MUCL1: variants seen among roughly 807,000 people sequenced by gnomAD.
MUCL1 encodes mucin like 1.
In MUCL1, 11 loss-of-function variants were observed where a neutral mutation model predicts 9.2. The ratio of observed to expected loss-of-function variants is 1.19; its 90% CI spans 0.75 to 1.97. The LOEUF (loss-of-function observed/expected upper bound fraction) is 1.97, where lower values mean the gene tolerates loss of function less well. Among genes scored for constraint, MUCL1 ranks in the 30% most tolerant of loss-of-function variants. The probability of loss-of-function intolerance (pLI) is 0.00; values close to 1 mark genes in which losing one functional copy is unlikely to be tolerated. For missense variants in MUCL1, 144 were observed against 110.9 expected (o/e 1.30, Z -1.34); for synonymous variants, 48 against 40.5 (o/e 1.19, Z -0.71).
intron 1 of MUCL1, among the ~76,000 whole-genome samples, chr12:54,842,187 T>A (rs539122162): frequency 1.3e-5 from 2 of 152,116 alleles, no homozygotes; most frequent in Non-Finnish European, 2.9e-5. Context: ...GGATAGTTCC[T>A]GCAGAGATGC....
intron 1 of MUCL1, among the ~76,000 whole-genome samples, chr12:54,840,398 C>T (rs916244355): frequency 3.3e-5 from 5 of 152,208 alleles, no homozygotes; most frequent in Admixed American, 6.5e-5. Context: ...AAGTTTCCTT[C>T]CAGAATGCTG....
intron 1 of MUCL1, among the ~76,000 whole-genome samples, chr12:54,846,263 G>C (rs1413102048): frequency 6.6e-6 from 1 of 152,140 alleles, no homozygotes; most frequent in Non-Finnish European, 1.5e-5. Context: ...AGGAGTCACA[G>C]ACACCCATCC....
At chr12:54,845,256 C>T (rs901172408) in intron 1 of MUCL1, among the ~76,000 whole-genome samples, 1 of 152,052 alleles carries the variant, frequency 6.6e-6, no homozygotes, top group Non-Finnish European at 1.5e-5. Context: ...AGCTCTCTGC[C>T]CAATGCATAT....
In MUCL1 at chr12:54,840,137, G is replaced by A. The variant is rs972502308; in HGVS notation, c.43+690G>A. Among the ~76,000 whole-genome samples the A allele has an allele frequency of 3.9e-5, 6 of 152,160 alleles. No individual in the cohort carries two copies. The South Asian group carries it at 1.2e-3, about 32-fold the overall frequency. On this transcript the variant is annotated intron_variant, in intron 1 of 3. Transcript: ENST00000546809. ...AGCCACACTCCAGGCTGGTGCTAAG[G>A]AATGTCTGCAAGGAATCCAGTGATG...
chr12:54,855,166 G>A lies in MUCL1; in HGVS notation c.100+9G>A. Reference sequence around the variant, plus strand: ...TGACACGTATCCAGCTAGTGAGTCTGCACTTGAATGTCATCTCTTTCCAGC... The same window carrying A: ...TGACACGTATCCAGCTAGTGAGTCTACACTTGAATGTCATCTCTTTCCAGC... On this transcript the variant is annotated intron_variant, in intron 2 of 3. Transcript: ENST00000308796. The A allele has an allele frequency of 2.5e-6, 4 of 1,612,378 alleles. No individual in the cohort carries two copies. The South Asian group carries it at 4.4e-5, about 18-fold the overall frequency.
At chr12:54,833,735 A>G (rs1227061020) in intron 1 of MUCL1, among the ~76,000 whole-genome samples, 1 of 148,702 alleles carries the variant, frequency 6.7e-6, no homozygotes, top group Non-Finnish European at 1.5e-5. Context: ...AAAACCAAAC[A>G]CCGCATGTTC....
In MUCL1 at chr12:54,855,117, G is replaced by T; in HGVS notation, c.60G>T (p.Gln20His). 2 of 1,613,116 alleles carry T rather than the reference G, an allele frequency of 1.2e-6. No individual in the cohort carries two copies. The highest frequency in any genetic ancestry group is 1.7e-6 in the Non-Finnish European group (2 of 1,179,548). ...LGVSIFLVSAQNPTTAAPADT... is the reference protein window; with the variant it reads ...LGVSIFLVSAHNPTTAAPADT... ...TAATTTTTCCTTCTTCTCTTTCAGA[G>T]AATCCGACAACAGCTGCTCCAGCTG... is the stretch of plus-strand genomic sequence containing the variant. Residue 20 changes from glutamine (Q) to histidine (H), a missense_variant and splice_region_variant, in exon 2 of 4, where the codon CAG becomes CAT. Physicochemically the swap from Gln to His is conservative, Grantham distance 24. Transcript: ENST00000308796.
upstream of MUCL1, among the ~76,000 whole-genome samples, chr12:54,850,576 T>G (rs1338442777): frequency 6.6e-6 from 1 of 152,064 alleles, no homozygotes. Flanking sequence ...ACATTTGGGT[T>G]GGTTCCAAGT....
intron 1 of MUCL1, among the ~76,000 whole-genome samples, chr12:54,831,288 T>C (rs1306993003): frequency 1.3e-5 from 2 of 152,196 alleles, no homozygotes; most frequent in Non-Finnish European, 2.9e-5. Context: ...AATGAGTGCT[T>C]ATATAAATTA....
At chr12:54,833,773 A>G (rs1315365556) in intron 1 of MUCL1, among the ~76,000 whole-genome samples, 1 of 145,300 alleles carries the variant, frequency 6.9e-6, no homozygotes, top group Admixed American at 6.9e-5. Flanking sequence ...TTGAACAATG[A>G]GAACACATGA....
chr12:54,853,992 G>A (rs1403247056), upstream of MUCL1, among the ~76,000 whole-genome samples: 1 of 152,128 alleles, frequency 6.6e-6, no homozygotes, highest in Non-Finnish European at 1.5e-5. Context: ...ATTCAGTGTT[G>A]GACTCACTCT....
Position 54,832,514 on chromosome 12 carries a change from T to C in MUCL1, n.357+1639T>C, listed in dbSNP as rs142563513. Among the ~76,000 whole-genome samples the C allele has an allele frequency of 1.8e-3, 270 of 152,296 alleles. 1 individual carries two copies. In the Middle Eastern group the frequency reaches 0.027, roughly 15 times the overall value. On this transcript the variant is annotated intron_variant and non_coding_transcript_variant, in intron 1 of 3. Transcript: ENST00000547990. The stretch of plus-strand genomic sequence containing the variant: ...TTGTTTACAACTATGTAAGCTTCTG[T>C]ATTTGCCTTTAAAATCTTTTATTGT...
intron 1 of MUCL1, among the ~76,000 whole-genome samples, chr12:54,840,657 G>A (rs2135940766): frequency 6.6e-6 from 1 of 152,288 alleles, no homozygotes; most frequent in South Asian, 2.1e-4. Flanking sequence ...GGTCAGGCAA[G>A]TCCCACACTC....
At chr12:54,853,017 C>G (rs1165473893), upstream of MUCL1, among the ~76,000 whole-genome samples, 1 of 152,164 alleles carries the variant, frequency 6.6e-6, no homozygotes, top group African/African-American at 2.4e-5. Context: ...ACCACTCCCT[C>G]AAGAATTTCC....
At chr12:54,845,559 A>G (rs1303390413) in intron 1 of MUCL1, among the ~76,000 whole-genome samples, 2 of 151,954 alleles carry the variant, frequency 1.3e-5, no homozygotes, top group African/African-American at 4.8e-5. Flanking sequence ...AAGTACTTAG[A>G]TTCTGCTTGT....
chr12:54,832,416 C>G (rs1014035514), intron 1 of MUCL1, among the ~76,000 whole-genome samples: 1 of 151,936 alleles, frequency 6.6e-6, no homozygotes, highest in Non-Finnish European at 1.5e-5. Flanking sequence ...GAATAATTTC[C>G]TCTGTTTTAT....
At chr12:54,838,386 T>C (rs1959196853), upstream of MUCL1, among the ~76,000 whole-genome samples, 1 of 152,212 alleles carries the variant, frequency 6.6e-6, no homozygotes, top group South Asian at 2.1e-4. Context: ...TGACTTTAGA[T>C]GGCCTGATGA....
upstream of MUCL1, among the ~76,000 whole-genome samples, chr12:54,852,981 A>C (rs1868266566): frequency 6.6e-6 from 1 of 152,180 alleles, no homozygotes; most frequent in East Asian, 1.9e-4. Context: ...GGACAAGGAC[A>C]CTGACTTGTC....
Position 54,856,644 on chromosome 12 carries a change from A to C in MUCL1, c.101-126A>C, listed in dbSNP as rs1421751099. 3 of 1,305,166 alleles carry C rather than the reference A, an allele frequency of 2.3e-6. No individual in the cohort carries two copies. In the Admixed American group the frequency reaches 6.2e-5, roughly 27 times the overall value. 80.8% of individuals were successfully genotyped at this position (1,305,166 alleles called of 1,614,324 possible). A position where few individuals can be genotyped will look rare whatever the true frequency, so the allele number is the denominator to read the frequency against. On this transcript the variant is annotated intron_variant, in intron 2 of 3. Coordinates refer to ENST00000308796, the MANE Select transcript of MUCL1 (RefSeq NM_058173.3). ...AAAGTAGGCAGGTAGGCTAAAGGTA[A>C]GACAGAACTGATGACAGATTTGCAG...
Sources: allele counts gnomAD v4.1 joint callset (sites outside exome capture counted in the v4.1 genomes callset), GRCh38; gene constraint gnomAD v4.1.1; transcripts MANE v1.5; gene names NCBI Gene and HGNC (gene_info 2026-07-23, HGNC 2026-07-21).